The following TBC1D23 variants were observed in gnomAD, a reference collection of about 807,000 sequenced individuals.
TBC1D23 encodes TBC1 domain family member 23.
In TBC1D23, 55 loss-of-function variants were observed where a neutral mutation model predicts 91.4. The observed-to-expected ratio is 0.60, with a 90% CI of 0.48 to 0.75. The LOEUF (loss-of-function observed/expected upper bound fraction) is 0.75. Among genes scored for constraint, TBC1D23 ranks in the 30% least tolerant of loss-of-function variants. The pLI is 0.00. For missense variants in TBC1D23, 725 were observed against 836.1 expected (o/e 0.87, Z 1.64); for synonymous variants, 289 against 281.0 (o/e 1.03, Z -0.28).
At chr3:100,274,067 T>C (rs529416235) in intron 1 of TBC1D23, among the ~76,000 whole-genome samples, 1 of 152,296 alleles carries the variant, frequency 6.6e-6, no homozygotes, top group African/African-American at 2.4e-5. Flanking sequence ...GTAATGGAAT[T>C]GTGGTTGGTT....
intron 1 of TBC1D23, among the ~76,000 whole-genome samples, chr3:100,262,790 CAT>C (rs1197870707): frequency 1.3e-4 from 18 of 138,370 alleles, no homozygotes; most frequent in Non-Finnish European, 1.6e-5. Context: ...ATCTATTTAA[CAT>C]ATTTCAACAT....
chr3:100,288,737 T>C (rs1180098529), intron 4 of TBC1D23, among the ~76,000 whole-genome samples: 1 of 152,218 alleles, frequency 6.6e-6, no homozygotes, highest in Non-Finnish European at 1.5e-5. Context: ...GTAGAATGTA[T>C]CTCAGTACAA....
intron 11 of TBC1D23, among the ~76,000 whole-genome samples, chr3:100,302,575 T>C (rs1705452023): frequency 6.6e-6 from 1 of 152,180 alleles, no homozygotes; most frequent in African/African-American, 2.4e-5. Context: ...TTTGATCTTT[T>C]ATTTTTTTTC....
chr3:100,304,480 A>T (rs568513656), intron 11 of TBC1D23, among the ~76,000 whole-genome samples: 1 of 152,016 alleles, frequency 6.6e-6, no homozygotes, highest in Non-Finnish European at 1.5e-5. Context: ...TTTTTATATT[A>T]TCTTTTAATA....
chr3:100,271,242 T>G (rs972438909), intron 1 of TBC1D23, among the ~76,000 whole-genome samples: 1 of 151,902 alleles, frequency 6.6e-6, no homozygotes, highest in Non-Finnish European at 1.5e-5. Flanking sequence ...AGGGAAGAGA[T>G]AGATTTAAGA....
intron 1 of TBC1D23, among the ~76,000 whole-genome samples, chr3:100,277,307 G>A (rs1158832802): frequency 1.3e-5 from 2 of 152,138 alleles, no homozygotes; most frequent in Admixed American, 1.3e-4. Context: ...ACCTTTGGAT[G>A]CCTTGTTCAG....
chr3:100,314,059 G>C (rs1434334972), intron 15 of TBC1D23, among the ~76,000 whole-genome samples: 1 of 83,078 alleles, frequency 1.2e-5, no homozygotes, highest in African/African-American at 3.7e-5. Context: ...TGTTATTTTG[G>C]AAGAAGTAAA....
intron 11 of TBC1D23, 63 bp downstream of exon 11, chr3:100,302,300 A>C: frequency 1.5e-6 from 2 of 1,351,836 alleles, no homozygotes; most frequent in Non-Finnish European, 2.0e-6. Context: ...AAAAATTTAC[A>C]TAGATAACTT....
rs1004438662 is a variant in TBC1D23 at position 100,324,343 on chromosome 3, G to A, written c.*675G>A. The A allele has an allele frequency of 4.6e-5, 7 of 152,098 alleles. No homozygotes were observed. The highest frequency in any genetic ancestry group is 2.1e-4 in the South Asian group (1 of 4,830). 9.4% of individuals were successfully genotyped at this position (152,098 alleles called of 1,614,324 possible). On this transcript the variant is annotated 3_prime_UTR_variant, in exon 19 of 19. Coordinates refer to ENST00000394144, the MANE Select transcript of TBC1D23 (RefSeq NM_001199198.3). ...ACTTCATCCTAATGATTTCTAAAGA[G>A]CAGTTAAAAGCATTAAAATAAGTAG...
intron 10 of TBC1D23, among the ~76,000 whole-genome samples, chr3:100,299,539 C>T (rs147512570): frequency 1.6e-3 from 245 of 152,160 alleles, no homozygotes; most frequent in East Asian, 7.0e-3. Flanking sequence ...TTGTTTGTTT[C>T]GCTTTTGTTG....
chr3:100,274,212 T>C (rs1349796379), intron 1 of TBC1D23, among the ~76,000 whole-genome samples: 2 of 152,188 alleles, frequency 1.3e-5, no homozygotes, highest in Non-Finnish European at 2.9e-5. Context: ...TAAGGAATTA[T>C]GTAGCCAAGC....
intron 15 of TBC1D23, among the ~76,000 whole-genome samples, chr3:100,315,478 T>C (rs1705726909): frequency 6.6e-6 from 1 of 152,184 alleles, no homozygotes; most frequent in Non-Finnish European, 1.5e-5. Context: ...GATTCATTTT[T>C]ATGGCTTATA....
At chr3:100,266,768 C>T (rs1473731372) in intron 1 of TBC1D23, among the ~76,000 whole-genome samples, 1 of 152,172 alleles carries the variant, frequency 6.6e-6, no homozygotes, top group African/African-American at 2.4e-5. Flanking sequence ...ATTCAGAGCA[C>T]CCAGTTAAAT....
chr3:100,297,915 T>C lies in TBC1D23; in HGVS notation c.877-8T>C, dbSNP rs1431405415. 2.5e-6 allele frequency: 4 copies of C among 1,585,200 alleles called. No homozygotes were observed. The highest frequency in any genetic ancestry group is 3.4e-6 in the Non-Finnish European group (4 of 1,166,088). On this transcript the variant is annotated splice_polypyrimidine_tract_variant and splice_region_variant and intron_variant, in intron 8 of 18. Transcript: ENST00000394144. Reference sequence around the variant, plus strand: ...TTTCATAATGTTTAAAAATTTCCCTTCAAACAGGATAATCACCATCTCTTT... The same window carrying C: ...TTTCATAATGTTTAAAAATTTCCCTCCAAACAGGATAATCACCATCTCTTT...
chr3:100,283,318 G>C (rs1201597135), intron 3 of TBC1D23, among the ~76,000 whole-genome samples: 2 of 151,830 alleles, frequency 1.3e-5, no homozygotes, highest in African/African-American at 4.8e-5. Flanking sequence ...AGGTTGCAGT[G>C]AGCCAAGACC....
At chr3:100,301,924 T>C in intron 10 of TBC1D23, 143 bp from the exon 11 acceptor site, 1 of 602,794 alleles carries the variant, frequency 1.7e-6, no homozygotes, top group Non-Finnish European at 2.9e-6. Context: ...TCCCAGGGAT[T>C]TTATTTATAA....
At chr3:100,279,513 C>A (rs770976755) in intron 1 of TBC1D23, 136 bp from the exon 2 acceptor site, 1 of 567,994 alleles carries the variant, frequency 1.8e-6, no homozygotes, top group Non-Finnish European at 3.2e-6. Context: ...GCTGTGTATA[C>A]CTTGGCATTA....
intron 15 of TBC1D23, among the ~76,000 whole-genome samples, chr3:100,313,224 A>G (rs1369581744): frequency 2.6e-5 from 4 of 152,082 alleles, no homozygotes; most frequent in South Asian, 2.1e-4. Context: ...TTACAGGACC[A>G]TTGAATTAGT....
intron 16 of TBC1D23, among the ~76,000 whole-genome samples, chr3:100,318,750 A>G (rs1705799144): frequency 6.6e-6 from 1 of 151,614 alleles, no homozygotes; most frequent in African/African-American, 2.4e-5. Context: ...TCCTGGGTTC[A>G]AGCGATTCTC....
Sources: gnomAD v4.1 joint callset for allele counts (sites outside exome capture counted in the v4.1 genomes callset) on GRCh38, gnomAD v4.1.1 for gene constraint, MANE v1.5 for transcripts, NCBI Gene and HGNC (gene_info 2026-07-23, HGNC 2026-07-21) for gene names.